The following ARHGEF10 variants were observed in gnomAD, a reference collection of about 807,000 sequenced individuals.
ARHGEF10 encodes Rho guanine nucleotide exchange factor (GEF) 10.
A neutral mutation model predicts 147.4 loss-of-function variants in ARHGEF10; 140 were observed. The observed-to-expected ratio is 0.95, with a 90% confidence interval of 0.83 to 1.09. The LOEUF (loss-of-function observed/expected upper bound fraction) is 1.09. Ranked by LOEUF, ARHGEF10 falls within the 50% of genes least tolerant of loss-of-function variation. ARHGEF10 has a pLI of 0.00. For missense variants in ARHGEF10, 2,222 were observed against 1,752.7 expected, an observed-to-expected ratio of 1.27 and a Z score of -4.78; for synonymous variants, 902 against 695.8, an observed-to-expected ratio of 1.30 and a Z score of -4.67.
chr8:1,945,880 C>CGCGTGCTGGGAGGAGCT (rs1227116197), intron 27 of ARHGEF10: 11 of 760,562 alleles, frequency 1.4e-5, no homozygotes, highest in Admixed American at 4.6e-5. Context: ...CTGAAGGAGC[C>CGCGTGCTGGGAGGAGCT]GCGTGCTGGG....
At chr8:1,840,209 A>G (rs1421346213) in intron 1 of ARHGEF10, among the ~76,000 whole-genome samples, 10 of 76,998 alleles carry the variant, frequency 1.3e-4, no homozygotes, top group South Asian at 5.4e-4. Flanking sequence ...AAGCTGTCCG[A>G]TATGGGGACT....
At chr8:1,921,135 G>A (rs1812257167) in intron 18 of ARHGEF10, among the ~76,000 whole-genome samples, 1 of 152,064 alleles carries the variant, frequency 6.6e-6, no homozygotes, top group Non-Finnish European at 1.5e-5. Flanking sequence ...GTTAGTAATT[G>A]CATTTGTCTA....
chr8:1,944,103 C>T (rs1162097494), intron 26 of ARHGEF10, among the ~76,000 whole-genome samples: 2 of 149,714 alleles, frequency 1.3e-5, no homozygotes, highest in African/African-American at 4.9e-5. Flanking sequence ...ACCCCAGCCT[C>T]CCGCACTGTG....
chr8:1,881,635 G>A lies in ARHGEF10; in HGVS notation c.961-1000G>A, dbSNP rs147959116. On this transcript the variant is annotated intron_variant, in intron 9 of 28. Transcript: ENST00000349830. ...GGGCAGGCGACGCGGGTGTGAGGCC[G>A]TGCGTGTTGTGTGGTGTTCATGGTG... is the stretch of plus-strand genomic sequence containing the variant. Among the ~76,000 whole-genome samples, 1,345 of 152,268 alleles carry A rather than the reference G, an allele frequency of 8.8e-3. 17 individuals are homozygous for A. Among genetic ancestry groups the A allele is most frequent in the African/African-American group, 0.03 (1,253 of 41,558 alleles).
intron 17 of ARHGEF10, 113 bp from the exon 18 acceptor site, chr8:1,909,182 A>AAC: frequency 7.0e-7 from 1 of 1,423,258 alleles, no homozygotes; most frequent in Non-Finnish European, 9.9e-7. Flanking sequence ...AGAAAGTCTG[A>AAC]AGAGTTACAA....
chr8:1,869,067 A>T, intron 6 of ARHGEF10, 127 bp from the exon 7 acceptor site: 1 of 851,686 alleles, frequency 1.2e-6, no homozygotes, highest in Non-Finnish European at 2.0e-6. Flanking sequence ...AAATAAAAAA[A>T]AAACTACCCT....
In ARHGEF10 at chr8:1,894,405, C is replaced by G; in HGVS notation, c.1273C>G (p.Pro425Ala). The change falls in exon 13 of 29, where the codon CCG (proline) becomes GCG (alanine). Residue 425 changes from proline to alanine, a missense_variant. Physicochemically the swap from Pro to Ala is conservative, Grantham distance 27. Coordinates refer to ENST00000349830, the MANE Select transcript of ARHGEF10 (RefSeq NM_014629.4). ...LKRILEQYEK[P>A]LSEMEPKVLS... The stretch of plus-strand genomic sequence containing the variant: ...CATTTTGTCTTAGCAATATGAGAAG[C>G]CGCTGTCTGAGATGGAGCCAAAGGT... The G allele has an allele frequency of 1.2e-6, 2 of 1,614,126 alleles. No individual in the cohort carries two copies. The highest frequency in any genetic ancestry group is 1.7e-6 in the Non-Finnish European group (2 of 1,180,018).
chr8:1,923,593 C>G lies in ARHGEF10; in HGVS notation c.2385C>G (p.Asp795Glu), dbSNP rs34036746. 6 of 1,613,976 alleles carry G rather than the reference C, an allele frequency of 3.7e-6. No homozygotes were observed. Among genetic ancestry groups the G allele is most frequent in the African/African-American group, 2.7e-5 (2 of 74,924 alleles). Residue 795 changes from aspartate (D) to glutamate (E), a missense_variant and splice_region_variant, in exon 20 of 29, where the codon GAC (aspartate) becomes GAG (glutamate). Transcript: ENST00000349830. ...RIQLQLPGKQ[D>E]KSGRPTFFTA... ...AGTTACAGCTTCCCGGGAAGCAGGA[C>G]AAGTTAGTAGTAGCTTTAAAACGAA...
At chr8:1,842,219 G>T (rs1276830117) in intron 1 of ARHGEF10, among the ~76,000 whole-genome samples, 1 of 152,054 alleles carries the variant, frequency 6.6e-6, no homozygotes, top group East Asian at 1.9e-4. Flanking sequence ...AGAAGGGCGG[G>T]CACTGGGCTG....
At chr8:1,836,025 C>G (rs144099878) in intron 1 of ARHGEF10, among the ~76,000 whole-genome samples, 22,130 of 151,740 alleles carry the variant, frequency 0.15, 1,923 homozygotes, top group Non-Finnish European at 0.2. Context: ...ATTAAAAATA[C>G]AAAAAATTAG....
rs1219515463 is a variant in ARHGEF10, at chr8:1,843,353, G to A, written c.-47G>A. Reference sequence around the variant, plus strand: ...CAAGCAGTGTCTCTCCTTCTTGCAGGAGCTCCTTCCCTTAACAGAGCTGAG... The same window carrying A: ...CAAGCAGTGTCTCTCCTTCTTGCAGAAGCTCCTTCCCTTAACAGAGCTGAG... On this transcript the variant is annotated splice_region_variant and 5_prime_UTR_variant, in exon 2 of 29. Transcript: ENST00000349830. The A allele has an allele frequency of 6.2e-7, 1 of 1,611,498 alleles. No homozygotes were observed. Among genetic ancestry groups the A allele is most frequent in the Admixed American group, 1.7e-5 (1 of 60,002 alleles).
At chr8:1,833,052 GCAGA>G (rs1563149436) in intron 1 of ARHGEF10, among the ~76,000 whole-genome samples, 5 of 4,986 alleles carry the variant, frequency 1.0e-3, no homozygotes, top group African/African-American at 4.1e-3. Flanking sequence ...AGAGACAGAG[GCAGA>G]GAGAGACAGA....
intron 22 of ARHGEF10, 60 bp downstream of exon 22, chr8:1,925,464 C>G: frequency 6.2e-7 from 1 of 1,605,206 alleles, no homozygotes; most frequent in Non-Finnish European, 8.5e-7. Flanking sequence ...CTGAATGGGC[C>G]ACTTGGGAGA....
In ARHGEF10 at chr8:1,888,267, GGGGCTGT is replaced by G. The variant is rs1808948638; in HGVS notation, c.1182+2561_1182+2567del. Among the ~76,000 whole-genome samples the G allele has an allele frequency of 1.1e-4, 9 of 78,728 alleles. 1 individual carries two copies. The highest frequency in any genetic ancestry group is 2.5e-4 in the Admixed American group (2 of 8,088). The allele number at this position is 78,728 out of a possible 152,430, so 51.6% of individuals were successfully genotyped here. Reference sequence around the variant, plus strand: ...TGAGGGTTGCGAGGAGATGCTGAGTGGGGCTGTAGGTTCTGAGGAGGGGTGGGGTGAG... The same window carrying G: ...TGAGGGTTGCGAGGAGATGCTGAGTGAGGTTCTGAGGAGGGGTGGGGTGAG... On this transcript the variant is annotated intron_variant, in intron 11 of 28. Coordinates refer to ENST00000349830, the MANE Select transcript of ARHGEF10 (RefSeq NM_014629.4).
chr8:1,869,623 A>G (rs1806922204), intron 7 of ARHGEF10: 2 of 347,934 alleles, frequency 5.7e-6, no homozygotes, highest in Non-Finnish European at 1.1e-5. Flanking sequence ...AATAACTAAG[A>G]ATTCTCTACA....
chr8:1,830,364 G>C (rs911124903), intron 1 of ARHGEF10, among the ~76,000 whole-genome samples: 2 of 152,200 alleles, frequency 1.3e-5, no homozygotes, highest in Non-Finnish European at 2.9e-5. Context: ...GGAGCCTCCG[G>C]GGGCCGTGCA....
Position 1,945,576 on chromosome 8 carries a change from G to C in ARHGEF10, c.3318G>C (p.Thr1106=), listed in dbSNP as rs780302201. 6.2e-7 allele frequency: 1 copy of C among 1,614,206 alleles called. No individual in the cohort carries two copies. Among genetic ancestry groups the C allele is most frequent in the Admixed American group, 1.7e-5 (1 of 60,028 alleles). ...GGATTGCCTTCACCTCAGGGTCCAC[G>C]CTCCGCCTTTTTCACACGGAAACTC... ...GIWIAFTSGS[T]LRLFHTETLK... The change falls in exon 27 of 29, where the codon ACG becomes ACC. Residue 1106 remains threonine (T), a synonymous_variant. Coordinates refer to ENST00000349830, the MANE Select transcript of ARHGEF10 (RefSeq NM_014629.4).
intron 14 of ARHGEF10, among the ~76,000 whole-genome samples, chr8:1,897,081 C>T (rs1010778545): frequency 1.3e-5 from 2 of 152,228 alleles, no homozygotes; most frequent in Non-Finnish European, 2.9e-5. Flanking sequence ...CCTTCAAAGA[C>T]GTCGGCGGAA....
chr8:1,871,381 A>T (rs987676947), intron 7 of ARHGEF10, among the ~76,000 whole-genome samples: 1 of 152,178 alleles, frequency 6.6e-6, no homozygotes, highest in Non-Finnish European at 1.5e-5. Context: ...ACATTTAGAA[A>T]TTAAAAATGA....
Sources: gnomAD v4.1 joint callset for allele counts (sites outside exome capture counted in the v4.1 genomes callset) on GRCh38, gnomAD v4.1.1 for gene constraint, MANE v1.5 for transcripts, NCBI Gene and HGNC (gene_info 2026-07-23, HGNC 2026-07-21) for gene names.